The following TPRG1 variants were observed in gnomAD, a reference collection of about 807,000 sequenced individuals.
TPRG1 encodes tumor protein p63 regulated 1.
TPRG1 carries 29 observed loss-of-function variants against 29.3 expected under a neutral mutation model. That is an observed-to-expected ratio of 0.99 (90% confidence interval 0.74 to 1.35). TPRG1 has a LOEUF of 1.35. Ranked by LOEUF, TPRG1 falls within the 40% of genes most tolerant of loss-of-function variation. The pLI is 0.00. For missense variants in TPRG1, 327 were observed against 335.0 expected, an observed-to-expected ratio of 0.98 and a Z score of 0.19; for synonymous variants, 130 against 116.8, an observed-to-expected ratio of 1.11 and a Z score of -0.73.
intron 5 of TPRG1, among the ~76,000 whole-genome samples, chr3:189,165,866 T>C (rs1033941785): frequency 6.6e-6 from 1 of 152,144 alleles, no homozygotes; most frequent in Non-Finnish European, 1.5e-5. Flanking sequence ...GTTGCCAATA[T>C]GGAAAATCTC....
chr3:189,311,635 T>C lies in TPRG1; in HGVS notation c.633+1096T>C, dbSNP rs539238342. 6.3e-4 allele frequency among the ~76,000 whole-genome samples: 96 copies of C among 152,280 alleles called. 2 individuals carry two copies. In the South Asian group the frequency reaches 0.018, roughly 28 times the overall value. ...ACATTATTCTCCCATGAAAAGTCAA[T>C]GTTCCTCTCAAGAATTATGCAAATG... is the stretch of plus-strand genomic sequence containing the variant. On this transcript the variant is annotated intron_variant, in intron 5 of 5. Coordinates refer to ENST00000345063, the MANE Select transcript of TPRG1 (RefSeq NM_198485.4).
chr3:189,257,469 G>T (rs1444152844), intron 4 of TPRG1, among the ~76,000 whole-genome samples: 1 of 152,068 alleles, frequency 6.6e-6, no homozygotes, highest in Admixed American at 6.5e-5. Context: ...TGGTGAATCT[G>T]ATGATTATGT....
chr3:189,054,000 T>C (rs1315791952), intron 4 of TPRG1, among the ~76,000 whole-genome samples: 1 of 152,240 alleles, frequency 6.6e-6, no homozygotes, highest in East Asian at 1.9e-4. Flanking sequence ...TTTTTTCCTC[T>C]ACATTCACAG....
chr3:189,025,533 C>T (rs1204175249), intron 4 of TPRG1, among the ~76,000 whole-genome samples: 1 of 152,132 alleles, frequency 6.6e-6, no homozygotes, highest in Non-Finnish European at 1.5e-5. Context: ...ATCTTGTCTC[C>T]CTCCTTAATA....
At chr3:189,028,403 A>G (rs566818155) in intron 4 of TPRG1, among the ~76,000 whole-genome samples, 4 of 152,202 alleles carry the variant, frequency 2.6e-5, no homozygotes, top group Non-Finnish European at 4.4e-5. Context: ...TATTTCTTCT[A>G]TGGGGGACAG....
intron 3 of TPRG1, among the ~76,000 whole-genome samples, chr3:189,217,560 C>G (rs1039336942): frequency 1.3e-5 from 2 of 152,078 alleles, no homozygotes; most frequent in Non-Finnish European, 2.9e-5. Flanking sequence ...CCTCCTCTTC[C>G]CCATTAAAAC....
chr3:189,238,715 C>A lies in TPRG1; in HGVS notation c.303-18C>A. On this transcript the variant is annotated intron_variant, in intron 3 of 5. Transcript: ENST00000345063. ...AGGCTGTGTCATCAATTTTTATTTG[C>A]TATGATGATTCCTATAGGATAGACC... The A allele has an allele frequency of 6.4e-7, 1 of 1,574,362 alleles. No individual in the cohort carries two copies. The highest frequency in any genetic ancestry group is 8.7e-7 in the Non-Finnish European group (1 of 1,155,148).
intron 2 of TPRG1, among the ~76,000 whole-genome samples, chr3:189,214,390 G>A (rs1476635490): frequency 1.3e-5 from 2 of 152,160 alleles, no homozygotes; most frequent in Non-Finnish European, 2.9e-5. Context: ...AGGACAAGTG[G>A]GACTGGAAGA....
At chr3:189,084,161 AG>A (rs142744624) in intron 4 of TPRG1, among the ~76,000 whole-genome samples, 12,806 of 150,992 alleles carry the variant, frequency 0.085, 522 homozygotes, top group African/African-American at 0.16. Context: ...CAAAAAAAAA[AG>A]AAAAGAAAAA....
chr3:189,049,673 C>G (rs1030776348), intron 4 of TPRG1, among the ~76,000 whole-genome samples: 3 of 152,182 alleles, frequency 2.0e-5, no homozygotes, highest in Non-Finnish European at 4.4e-5. Flanking sequence ...AGCGCCACCT[C>G]CTGGCCCAAG....
intron 4 of TPRG1, among the ~76,000 whole-genome samples, chr3:189,072,700 C>A (rs1716882941): frequency 6.6e-6 from 1 of 151,984 alleles, no homozygotes; most frequent in African/African-American, 2.4e-5. Context: ...ATAAAACTAC[C>A]TTCCTCTACC....
chr3:189,189,378 G>T (rs1473014807), intron 1 of TPRG1, among the ~76,000 whole-genome samples: 1 of 152,002 alleles, frequency 6.6e-6, no homozygotes, highest in Non-Finnish European at 1.5e-5. Context: ...CATTTAGATA[G>T]TTGTCAATTG....
intron 3 of TPRG1, among the ~76,000 whole-genome samples, chr3:189,137,061 A>G: frequency 6.6e-6 from 1 of 152,190 alleles, no homozygotes; most frequent in East Asian, 1.9e-4. Context: ...CTAAGGTGGA[A>G]TGATTTGTCC....
chr3:189,256,213 T>C (rs1324561785), intron 4 of TPRG1, among the ~76,000 whole-genome samples: 3 of 152,212 alleles, frequency 2.0e-5, no homozygotes, highest in Non-Finnish European at 2.9e-5. Context: ...GTATGTTGTG[T>C]CTTTGTTGTC....
intron 4 of TPRG1, among the ~76,000 whole-genome samples, chr3:189,252,037 G>A (rs373874207): frequency 4.6e-5 from 7 of 151,954 alleles, no homozygotes; most frequent in South Asian, 2.1e-4. Flanking sequence ...AGGTCCCTGC[G>A]GCCTTCTGCA....
chr3:189,207,326 A>G (rs1734547671), intron 1 of TPRG1, 50 bp from the exon 2 acceptor site: 2 of 1,596,874 alleles, frequency 1.3e-6, no homozygotes, highest in African/African-American at 1.3e-5. Context: ...GCTAGGACAC[A>G]GGTACAGAGG....
At chr3:189,196,934 T>G (rs1388473314) in intron 1 of TPRG1, among the ~76,000 whole-genome samples, 1 of 152,204 alleles carries the variant, frequency 6.6e-6, no homozygotes, top group Admixed American at 6.5e-5. Context: ...AAGTCACAGT[T>G]GGTCTAACAA....
intron 2 of TPRG1, among the ~76,000 whole-genome samples, chr3:189,209,948 A>G (rs1336956340): frequency 2.0e-5 from 3 of 151,636 alleles, no homozygotes; most frequent in Admixed American, 2.0e-4. Context: ...TCTTATTGCC[A>G]TGTGAGTAAA....
intron 4 of TPRG1, among the ~76,000 whole-genome samples, chr3:189,047,294 G>T (rs1181700756): frequency 1.3e-5 from 2 of 152,098 alleles, no homozygotes; most frequent in Non-Finnish European, 2.9e-5. Flanking sequence ...GCATATAAAA[G>T]TTATTTCTAC....
Sources: allele counts gnomAD v4.1 joint callset (sites outside exome capture counted in the v4.1 genomes callset), GRCh38; gene constraint gnomAD v4.1.1; transcripts MANE v1.5; gene names NCBI Gene and HGNC (gene_info 2026-07-23, HGNC 2026-07-21).